DNAH8: variants seen among roughly 807,000 people sequenced by gnomAD.
DNAH8 encodes the protein axonemal beta dynein heavy chain 8.
Under a neutral mutation model 562.1 loss-of-function variants are expected in DNAH8, and 382 were observed. The ratio of observed to expected loss-of-function variants is 0.68; its 90% CI spans 0.63 to 0.74. The LOEUF is 0.74. DNAH8 is among the 30% of genes least tolerant of loss of function. The pLI is 0.00. For synonymous variants in DNAH8, 1,881 were observed against 1,919.4 expected (o/e 0.98, Z 0.52); for missense variants, 5,203 against 5,620.4 (o/e 0.93, Z 2.37).
At chr6:38,795,808 AAC>A (rs1770200383) in intron 21 of DNAH8, among the ~76,000 whole-genome samples, 1 of 152,152 alleles carries the variant, frequency 6.6e-6, no homozygotes, top group Admixed American at 6.5e-5. Flanking sequence ...CAGTTTTGGA[AAC>A]ACAATATATG....
intron 13 of DNAH8, among the ~76,000 whole-genome samples, chr6:38,776,866 C>T (rs1273802370): frequency 1.3e-5 from 2 of 152,186 alleles, no homozygotes; most frequent in Admixed American, 6.5e-5. Flanking sequence ...TGTTAACCTA[C>T]GTTTAGCCCA....
intron 11 of DNAH8, chr6:38,763,076 C>T: frequency 8.2e-6 from 3 of 365,508 alleles, no homozygotes; most frequent in Admixed American, 3.7e-5. Flanking sequence ...TCATGGAAAG[C>T]AGCCAGTGAA....
At chr6:38,822,753 T>C (rs926443549) in intron 26 of DNAH8, 85 bp from the exon 27 acceptor site, 136 of 1,066,374 alleles carry the variant, frequency 1.3e-4, no homozygotes, top group Non-Finnish European at 1.6e-4. Context: ...AAATACAGTT[T>C]GAAAAAGAAT....
intron 21 of DNAH8, among the ~76,000 whole-genome samples, chr6:38,793,314 T>C (rs1738243): frequency 0.85 from 128,934 of 152,098 alleles, 54,783 homozygotes; most frequent in South Asian, 0.89. Flanking sequence ...CCACCTTGCC[T>C]GTGAGATGAC....
chr6:38,747,377 TC>T (rs1765033573), intron 8 of DNAH8, among the ~76,000 whole-genome samples: 2 of 108,160 alleles, frequency 1.8e-5, no homozygotes, highest in Non-Finnish European at 2.1e-5. Flanking sequence ...TTTCTTTTTT[TC>T]TTTTTCTTTT....
At position 39,012,476 on chromosome 6, in the gene DNAH8, A is replaced by G. The variant is rs373389654; in HGVS notation, c.13553A>G (p.Tyr4518Cys). The change falls in exon 91 of 93, where the codon TAT becomes TGT. Residue 4518 changes from tyrosine to cysteine, a missense_variant. Physicochemically the swap from Tyr to Cys is radical, Grantham distance 194 (BLOSUM62 -2). Transcript: ENST00000327475. Reference sequence around the variant, plus strand: ...CTGAGAGATGCTCTGGACAACATGTATGATGCTCGTATACCTCAGCTCTGG... The same window carrying G: ...CTGAGAGATGCTCTGGACAACATGTGTGATGCTCGTATACCTCAGCTCTGG... ...ENLRDALDNM[Y>C]DARIPQLWKR... is the part of the protein sequence containing the mutation. The G allele has an allele frequency of 2.3e-5, 37 of 1,613,982 alleles. No homozygotes were observed. Among genetic ancestry groups the G allele is most frequent in the African/African-American group, 5.3e-5 (4 of 74,930 alleles).
intron 82 of DNAH8, among the ~76,000 whole-genome samples, chr6:38,966,973 C>G (rs1763009715): frequency 2.0e-5 from 3 of 152,166 alleles, no homozygotes; most frequent in African/African-American, 4.8e-5. Context: ...TAATCCCACT[C>G]TTAATACCTT....
At chr6:38,884,229 T>C (rs904447792) in intron 56 of DNAH8, among the ~76,000 whole-genome samples, 2 of 152,166 alleles carry the variant, frequency 1.3e-5, no homozygotes, top group Non-Finnish European at 2.9e-5. Flanking sequence ...AGGGTACATG[T>C]GCACAACATG....
At chr6:38,722,674 G>T (rs757408245) in intron 1 of DNAH8, 102 bp from the exon 2 acceptor site, 32 of 970,656 alleles carry the variant, frequency 3.3e-5, no homozygotes, top group Non-Finnish European at 3.2e-5. Context: ...TGGCAAGGGA[G>T]AACTTAATGA....
rs756220469 is a variant in DNAH8 at position 38,842,703 on chromosome 6, T to G, written c.4645T>G (p.Phe1549Val). ...LPKGLKDWQA[F>V]LDLKKRIDDF... ...AAAAGGACTTAAAGATTGGCAAGCT[T>G]TTTTGGATCTCAAAAAGAGAATTGA... The change falls in exon 35 of 93, where the codon TTT becomes GTT. Residue 1549 changes from phenylalanine to valine, a missense_variant. Phe to Val is a conservative substitution (Grantham distance 50). Around this residue, in one of 6 missense-constraint regions of DNAH8, gnomAD observed 2,176 missense variants for 2,365.1 expected, o/e 0.92. Coordinates refer to ENST00000327475, the MANE Select transcript of DNAH8 (RefSeq NM_001206927.2). 2.5e-6 allele frequency: 4 copies of G among 1,613,654 alleles called. No individual in the cohort carries two copies. The highest frequency in any genetic ancestry group is 3.4e-6 in the Non-Finnish European group (4 of 1,179,878).
At chr6:38,906,189 G>A in intron 62 of DNAH8, 65 bp from the exon 63 acceptor site, 1 of 1,089,552 alleles carries the variant, frequency 9.2e-7, no homozygotes, top group South Asian at 1.7e-5. Flanking sequence ...TTACAGGTGT[G>A]AGCCACCGCG....
intron 15 of DNAH8, among the ~76,000 whole-genome samples, chr6:38,780,874 C>T (rs1044563690): frequency 2.0e-5 from 3 of 152,076 alleles, no homozygotes; most frequent in Admixed American, 6.6e-5. Flanking sequence ...ATATTGCCCC[C>T]GTTTTCTGGT....
intron 75 of DNAH8, among the ~76,000 whole-genome samples, chr6:38,930,878 A>G (rs1412566092): frequency 6.6e-6 from 1 of 152,094 alleles, no homozygotes; most frequent in Admixed American, 6.5e-5. Flanking sequence ...TATCACTGAA[A>G]GTTTGTACCC....
chr6:39,014,435 C>T (rs1208658262), intron 91 of DNAH8, among the ~76,000 whole-genome samples: 1 of 152,146 alleles, frequency 6.6e-6, no homozygotes, highest in Non-Finnish European at 1.5e-5. Flanking sequence ...TGTTTGACCA[C>T]CTCCCATTTG....
intron 85 of DNAH8, among the ~76,000 whole-genome samples, chr6:38,978,361 C>T (rs1313060892): frequency 6.6e-6 from 1 of 152,144 alleles, no homozygotes; most frequent in Non-Finnish European, 1.5e-5. Context: ...CCCTACATTT[C>T]GTTTTCTTTC....
chr6:38,938,567 A>T (rs1783167190), intron 78 of DNAH8, among the ~76,000 whole-genome samples: 1 of 152,180 alleles, frequency 6.6e-6, no homozygotes, highest in South Asian at 2.1e-4. Context: ...ATAGAGGAGA[A>T]CAACAGACAC....
intron 82 of DNAH8, among the ~76,000 whole-genome samples, chr6:38,963,381 TTTG>T (rs1762757470): frequency 1.0e-5 from 1 of 96,630 alleles, no homozygotes; most frequent in Non-Finnish European, 2.0e-5. Flanking sequence ...TTTTTTTTTT[TTTG>T]ATGGAGTTTC....
intron 3 of DNAH8, among the ~76,000 whole-genome samples, chr6:38,725,331 A>AATAATAATAATG (rs1228527565): frequency 6.7e-6 from 1 of 148,758 alleles, no homozygotes; most frequent in South Asian, 2.1e-4. Context: ...TAATAATAAT[A>AATAATAATAATG]ATAATAAAGA....
At chr6:38,934,778 G>A (rs1782818090) in intron 76 of DNAH8, among the ~76,000 whole-genome samples, 1 of 152,152 alleles carries the variant, frequency 6.6e-6, no homozygotes, top group Non-Finnish European at 1.5e-5. Flanking sequence ...ATTTGCTAAA[G>A]TGTTTAGGGG....
Sources: gnomAD v4.1 joint callset for allele counts (sites outside exome capture counted in the v4.1 genomes callset) on GRCh38, gnomAD v4.1.1 for gene constraint, gnomAD v4.1.1 regional missense constraint, MANE v1.5 for transcripts, NCBI Gene and HGNC (gene_info 2026-07-23, HGNC 2026-07-21) for gene names.